The following FILIP1 variants were observed in gnomAD, a reference collection of about 807,000 sequenced individuals.
FILIP1 encodes the protein filamin A interacting protein 1, also known as filamin-A-interacting protein 1.
In FILIP1, 61 loss-of-function variants were observed where a neutral mutation model predicts 102.1. That is an observed-to-expected ratio of 0.60 (90% CI 0.49 to 0.74). The LOEUF is 0.74. Ranked by LOEUF, FILIP1 falls within the 30% of genes least tolerant of loss-of-function variation. The pLI, the probability that FILIP1 is intolerant of heterozygous loss-of-function variation, is 0.00. For synonymous variants in FILIP1, 491 were observed against 526.9 expected (o/e 0.93, Z 0.93); for missense variants, 1,314 against 1,441.2 (o/e 0.91, Z 1.43).
At chr6:75,438,007 T>C (rs891840531) in intron 1 of FILIP1, among the ~76,000 whole-genome samples, 1 of 152,224 alleles carries the variant, frequency 6.6e-6, no homozygotes, top group Non-Finnish European at 1.5e-5. Flanking sequence ...ATCACGGCTG[T>C]CTCAGCCAAA....
chr6:75,405,014 A>C (rs1456404971), intron 2 of FILIP1, among the ~76,000 whole-genome samples: 1 of 152,086 alleles, frequency 6.6e-6, no homozygotes, highest in East Asian at 1.9e-4. Context: ...TGCCTTTCTC[A>C]TTCAAACTTT....
chr6:75,323,560 A>G (rs1260024292), intron 4 of FILIP1, among the ~76,000 whole-genome samples: 1 of 152,194 alleles, frequency 6.6e-6, no homozygotes, highest in Non-Finnish European at 1.5e-5. Flanking sequence ...GGGAGCTGAC[A>G]TTTCAGGTGG....
intron 1 of FILIP1, among the ~76,000 whole-genome samples, chr6:75,455,591 C>T (rs1778803661): frequency 6.6e-6 from 1 of 152,136 alleles, no homozygotes; most frequent in African/African-American, 2.4e-5. Flanking sequence ...TTACTATTCT[C>T]AATTCCAACT....
In FILIP1 at chr6:75,314,463, C is replaced by T; in HGVS notation, c.1369G>A (p.Glu457Lys). ...SECTQLHLNLEKEKNLTKDLL... is the reference protein window; with the variant it reads ...SECTQLHLNLKKEKNLTKDLL... ...TCTTTGGTTAAGTTCTTTTCTTTCT[C>T]CAGATTTAAATGTAGCTGGGTGCAC... The change falls in exon 5 of 6, where the codon GAG (glutamate) becomes AAG (lysine). Residue 457 changes from glutamate to lysine, a missense_variant. Around this residue, in one of 3 missense-constraint regions of FILIP1, gnomAD observed 816 missense variants for 913.1 expected, o/e 0.89. Transcript: ENST00000237172. 1 of 1,588,950 alleles carries T rather than the reference C, an allele frequency of 6.3e-7. No homozygotes were observed. Among genetic ancestry groups the T allele is most frequent in the Non-Finnish European group, 8.5e-7 (1 of 1,172,900 alleles).
chr6:75,370,305 C>G (rs1251111119), intron 2 of FILIP1, among the ~76,000 whole-genome samples: 1 of 152,138 alleles, frequency 6.6e-6, no homozygotes, highest in Non-Finnish European at 1.5e-5. Context: ...CTGTGAGCTG[C>G]TGTGAGGACT....
intron 2 of FILIP1, among the ~76,000 whole-genome samples, chr6:75,387,145 T>G (rs1334960061): frequency 6.6e-6 from 1 of 152,186 alleles, no homozygotes; most frequent in African/African-American, 2.4e-5. Flanking sequence ...TGTGTTAGTT[T>G]GCTGAGAATG....
chr6:75,462,649 C>A (rs925317361), intron 1 of FILIP1, among the ~76,000 whole-genome samples: 1 of 151,980 alleles, frequency 6.6e-6, no homozygotes, highest in Non-Finnish European at 1.5e-5. Context: ...TAGCTGTGTA[C>A]AGCAGCTGCT....
intron 2 of FILIP1, chr6:75,398,881 C>T (rs1776555607): frequency 6.6e-6 from 1 of 152,040 alleles, no homozygotes; most frequent in African/African-American, 2.4e-5. Flanking sequence ...TGCATCTTCC[C>T]CTTCTTATTC....
At chr6:75,395,585 T>C (rs1201671950) in intron 2 of FILIP1, among the ~76,000 whole-genome samples, 2 of 152,160 alleles carry the variant, frequency 1.3e-5, no homozygotes, top group Non-Finnish European at 2.9e-5. Flanking sequence ...GCCAAAAATT[T>C]CTAAATATAT....
At chr6:75,471,665 A>G (rs372775974) in intron 1 of FILIP1, among the ~76,000 whole-genome samples, 3 of 152,302 alleles carry the variant, frequency 2.0e-5, no homozygotes, top group East Asian at 1.9e-4. Flanking sequence ...AAAAATTCAG[A>G]ACAACCTAAA....
chr6:75,321,479 T>G (rs1308031409), intron 4 of FILIP1, among the ~76,000 whole-genome samples: 1 of 152,116 alleles, frequency 6.6e-6, no homozygotes, highest in Admixed American at 6.5e-5. Context: ...ATAATGGAGG[T>G]GATATTTCCT....
intron 3 of FILIP1, among the ~76,000 whole-genome samples, chr6:75,354,233 GT>G (rs1450350880): frequency 6.6e-6 from 1 of 152,184 alleles, no homozygotes; most frequent in Admixed American, 6.5e-5. Context: ...TACAACCAGT[GT>G]TTAGGAGTTT....
At chr6:75,416,376 T>TA (rs959818938) in intron 1 of FILIP1, among the ~76,000 whole-genome samples, 1 of 152,128 alleles carries the variant, frequency 6.6e-6, no homozygotes, top group African/African-American at 2.4e-5. Flanking sequence ...CTTTTAACAA[T>TA]ATAAACCAAA....
intron 3 of FILIP1, among the ~76,000 whole-genome samples, chr6:75,354,623 C>A (rs1034912680): frequency 1.0e-4 from 15 of 150,048 alleles, no homozygotes; most frequent in Non-Finnish European, 1.9e-4. Flanking sequence ...GTGTAGTGTT[C>A]GCTCAACGTG....
chr6:75,393,690 G>T (rs1176603778), intron 2 of FILIP1, among the ~76,000 whole-genome samples: 1 of 152,108 alleles, frequency 6.6e-6, no homozygotes, highest in Non-Finnish European at 1.5e-5. Flanking sequence ...TCAATTAATG[G>T]TTGTTAACTC....
intron 2 of FILIP1, among the ~76,000 whole-genome samples, chr6:75,411,630 A>T (rs1777074155): frequency 6.6e-6 from 1 of 152,210 alleles, no homozygotes; most frequent in Admixed American, 6.5e-5. Context: ...AGTTTTCTGC[A>T]TATGGCTAGC....
intron 3 of FILIP1, chr6:75,358,250 A>T (rs1775067258): frequency 1.3e-5 from 2 of 152,232 alleles, no homozygotes; most frequent in Admixed American, 1.3e-4. Flanking sequence ...AGAAGTATTA[A>T]GGAATTGGGG....
chr6:75,355,788 G>A (rs1387391432), intron 3 of FILIP1, among the ~76,000 whole-genome samples: 4 of 152,198 alleles, frequency 2.6e-5, no homozygotes, highest in African/African-American at 9.7e-5. Flanking sequence ...GTACAAAGTT[G>A]ATGTTCAGTA....
At chr6:75,423,362 C>T (rs1352308635) in intron 1 of FILIP1, among the ~76,000 whole-genome samples, 1 of 152,052 alleles carries the variant, frequency 6.6e-6, no homozygotes, top group African/African-American at 2.4e-5. Flanking sequence ...CATTTCTCGA[C>T]CTGATTGTGA....
Sources: gnomAD v4.1 joint callset for allele counts (sites outside exome capture counted in the v4.1 genomes callset) on GRCh38, gnomAD v4.1.1 for gene constraint, gnomAD v4.1.1 regional missense constraint, MANE v1.5 for transcripts, NCBI Gene and HGNC (gene_info 2026-07-23, HGNC 2026-07-21) for gene names.